The following CHCHD3 variants were observed in gnomAD, a reference collection of about 807,000 sequenced individuals.
CHCHD3 encodes coiled-coil-helix-coiled-coil-helix domain containing 3.
In CHCHD3, 20 loss-of-function variants were observed where a neutral mutation model predicts 38.2. The observed-to-expected ratio is 0.52, with a 90% CI of 0.37 to 0.76. The LOEUF is 0.76. CHCHD3 is among the 30% of genes least tolerant of loss of function. The pLI is 0.00. For missense variants in CHCHD3, 245 were observed against 279.2 expected (o/e 0.88, Z 0.87); for synonymous variants, 82 against 100.0 (o/e 0.82, Z 1.07).
intron 7 of CHCHD3, among the ~76,000 whole-genome samples, 196 bp downstream of exon 7, chr7:132,796,246 G>A (rs1695303454): frequency 6.6e-6 from 1 of 152,174 alleles, no homozygotes; most frequent in Non-Finnish European, 1.5e-5. Flanking sequence ...TTGTACATAA[G>A]GAAGATATGG....
intron 4 of CHCHD3, among the ~76,000 whole-genome samples, chr7:132,921,793 C>A (rs1014272969): frequency 6.6e-6 from 1 of 152,204 alleles, no homozygotes; most frequent in Non-Finnish European, 1.5e-5. Context: ...CTTATCACCA[C>A]GTCTCAGAGG....
At chr7:132,973,824 AG>A in intron 4 of CHCHD3, 3 of 1,112,312 alleles carry the variant, frequency 2.7e-6, no homozygotes, top group Non-Finnish European at 3.3e-6. Flanking sequence ...CCAATTGCCT[AG>A]TGAACTAGGA....
intron 6 of CHCHD3, among the ~76,000 whole-genome samples, chr7:132,808,773 T>G (rs988246722): frequency 6.6e-6 from 1 of 151,792 alleles, no homozygotes; most frequent in Non-Finnish European, 1.5e-5. Flanking sequence ...TTAGGGTACA[T>G]GTGCACATTG....
chr7:133,047,323 A>G (rs1003978010), intron 2 of CHCHD3, among the ~76,000 whole-genome samples: 1 of 152,210 alleles, frequency 6.6e-6, no homozygotes, highest in Non-Finnish European at 1.5e-5. Context: ...GACAATCCAA[A>G]AAGCCAAAAT....
At chr7:132,937,423 G>A (rs1293900022) in intron 4 of CHCHD3, among the ~76,000 whole-genome samples, 1 of 152,084 alleles carries the variant, frequency 6.6e-6, no homozygotes, top group East Asian at 1.9e-4. Flanking sequence ...ATTCCCCTAA[G>A]TGCCTTTAAA....
At chr7:132,918,208 T>G (rs1312586421) in intron 4 of CHCHD3, among the ~76,000 whole-genome samples, 2 of 152,222 alleles carry the variant, frequency 1.3e-5, no homozygotes, top group Admixed American at 1.3e-4. Flanking sequence ...AGTTGGCTGC[T>G]GGCAGGGGGA....
At chr7:132,976,517 C>A (rs1220493384) in intron 3 of CHCHD3, among the ~76,000 whole-genome samples, 1 of 152,200 alleles carries the variant, frequency 6.6e-6, no homozygotes, top group Non-Finnish European at 1.5e-5. Flanking sequence ...CACTGAATCA[C>A]TGAAGATTTC....
intron 3 of CHCHD3, among the ~76,000 whole-genome samples, chr7:132,986,987 T>C (rs1289715601): frequency 1.3e-5 from 2 of 152,166 alleles, no homozygotes; most frequent in East Asian, 1.9e-4. Context: ...ATTTTCTAGA[T>C]AGGTTCCATC....
chr7:132,965,488 T>C (rs1046595091), intron 4 of CHCHD3, among the ~76,000 whole-genome samples: 3 of 152,096 alleles, frequency 2.0e-5, no homozygotes, highest in Non-Finnish European at 2.9e-5. Flanking sequence ...AAACAAATAT[T>C]GCTTTTACTG....
chr7:133,028,510 G>A (rs1562941946), intron 2 of CHCHD3, among the ~76,000 whole-genome samples: 1 of 152,112 alleles, frequency 6.6e-6, no homozygotes, highest in Non-Finnish European at 1.5e-5. Context: ...CTTAAGAGGT[G>A]AGACTGGGAC....
chr7:133,000,262 G>T (rs112632641), intron 3 of CHCHD3, among the ~76,000 whole-genome samples: 1 of 152,106 alleles, frequency 6.6e-6, no homozygotes, highest in Admixed American at 6.5e-5. Context: ...CATTCGTGCT[G>T]AGCACCAGTC....
intron 6 of CHCHD3, among the ~76,000 whole-genome samples, chr7:132,818,135 T>C (rs551262198): frequency 6.6e-5 from 10 of 152,200 alleles, no homozygotes; most frequent in Non-Finnish European, 8.8e-5. Context: ...CTGCCAGCAG[T>C]GCTGTTTTAT....
intron 6 of CHCHD3, among the ~76,000 whole-genome samples, chr7:132,824,864 T>C (rs1288541969): frequency 6.6e-6 from 1 of 152,222 alleles, no homozygotes; most frequent in Non-Finnish European, 1.5e-5. Context: ...CACCTCTTCA[T>C]GCAATCCAGA....
At chr7:132,868,904 T>C (rs1246810154) in intron 5 of CHCHD3, among the ~76,000 whole-genome samples, 1 of 152,076 alleles carries the variant, frequency 6.6e-6, no homozygotes, top group Non-Finnish European at 1.5e-5. Flanking sequence ...TGACCCACCC[T>C]CACCCAAGCT....
At chr7:132,997,262 C>T (rs1812444324) in intron 3 of CHCHD3, among the ~76,000 whole-genome samples, 1 of 152,076 alleles carries the variant, frequency 6.6e-6, no homozygotes, top group Admixed American at 6.5e-5. Flanking sequence ...GTTTTTGATC[C>T]ACATATCACA....
rs1331742260 is a variant in CHCHD3 at position 132,788,492 on chromosome 7, A to C, written c.661-2832T>G. On this transcript the variant is annotated intron_variant, in intron 7 of 7. Transcript: ENST00000262570. This position sits in a 1 kb window ranked among gnomAD's most constrained non-coding sequence, Gnocchi z 4.0. ...ACCTGCAGCTGCCACAACTTAAGGA[A>C]AGCAACAGTTAAAGAGTGTTTTCAC... Among the ~76,000 whole-genome samples, 1 of 152,178 alleles carries C rather than the reference A, an allele frequency of 6.6e-6. No individual in the cohort carries two copies. Among genetic ancestry groups the C allele is most frequent in the East Asian group, 1.9e-4 (1 of 5,196 alleles).
intron 4 of CHCHD3, chr7:132,973,184 G>A (rs1188695335): frequency 3.0e-6 from 3 of 985,272 alleles, no homozygotes; most frequent in Non-Finnish European, 3.6e-6. Context: ...GAGAAAGAGT[G>A]CTTCAAAGAT....
In CHCHD3 at chr7:132,785,589, C is replaced by A; in HGVS notation, c.*48G>T. On this transcript the variant is annotated 3_prime_UTR_variant, in exon 8 of 8. Coordinates refer to ENST00000262570, the MANE Select transcript of CHCHD3 (RefSeq NM_017812.4). ...TTTTCTCACTAGGAAAAAAAATGTT[C>A]CATCTCTGGAATTAACGTTGATGGT... is the stretch of plus-strand genomic sequence containing the variant. The A allele has an allele frequency of 6.2e-7, 1 of 1,600,300 alleles. No homozygotes were observed.
chr7:132,870,993 A>G (rs1478975426), intron 5 of CHCHD3, among the ~76,000 whole-genome samples: 2 of 152,184 alleles, frequency 1.3e-5, no homozygotes, highest in Non-Finnish European at 2.9e-5. Flanking sequence ...TGTTGTATCA[A>G]TATTAGTTTT....
Sources: gnomAD v4.1 joint callset for allele counts (sites outside exome capture counted in the v4.1 genomes callset) on GRCh38, gnomAD v4.1.1 for gene constraint, Gnocchi (gnomAD v3.1) non-coding constraint, MANE v1.5 for transcripts, NCBI Gene and HGNC (gene_info 2026-07-23, HGNC 2026-07-21) for gene names.